OSBPL1A: variants seen among roughly 807,000 people sequenced by gnomAD.
OSBPL1A encodes oxysterol binding protein like 1A, also known as oxysterol-binding protein-related protein 1.
A neutral mutation model predicts 137.1 loss-of-function variants in OSBPL1A; 80 were observed. The ratio of observed to expected loss-of-function variants is 0.58; its 90% CI spans 0.49 to 0.70. The LOEUF (loss-of-function observed/expected upper bound fraction) is 0.70. Ranked by LOEUF, OSBPL1A falls within the 30% of genes least tolerant of loss-of-function variation. OSBPL1A has a pLI of 0.00. For missense variants in OSBPL1A, 970 were observed against 1,129.4 expected (o/e 0.86, Z 2.02); for synonymous variants, 365 against 389.7 (o/e 0.94, Z 0.75).
chr18:24,163,414 G>A, intron 27 of OSBPL1A, 133 bp from the exon 28 acceptor site: 1 of 597,476 alleles, frequency 1.7e-6, no homozygotes, highest in South Asian at 2.2e-5. Context: ...AAGAGATGCT[G>A]AAGTGATGCT....
At chr18:24,255,105 A>G (rs2089231356) in intron 15 of OSBPL1A, among the ~76,000 whole-genome samples, 1 of 152,164 alleles carries the variant, frequency 6.6e-6, no homozygotes, top group Non-Finnish European at 1.5e-5. Context: ...TCTAGAGGAA[A>G]TGGATAAATT....
chr18:24,194,771 T>C (rs1396358909), intron 18 of OSBPL1A, among the ~76,000 whole-genome samples: 1 of 152,202 alleles, frequency 6.6e-6, no homozygotes, highest in African/African-American at 2.4e-5. Context: ...AGTTCTACAC[T>C]GGATGGAATG....
chr18:24,387,387 C>T (rs147881490), intron 1 of OSBPL1A, among the ~76,000 whole-genome samples: 44 of 152,120 alleles, frequency 2.9e-4, no homozygotes, highest in African/African-American at 8.9e-4. Flanking sequence ...AATACTTTCC[C>T]GGTGGCTCTA....
intron 15 of OSBPL1A, among the ~76,000 whole-genome samples, chr18:24,253,121 T>C (rs541877074): frequency 2.5e-4 from 29 of 116,952 alleles, no homozygotes; most frequent in African/African-American, 9.0e-4. Flanking sequence ...TTATCAATAA[T>C]AACATTGAAT....
intron 2 of OSBPL1A, among the ~76,000 whole-genome samples, chr18:24,370,926 C>T (rs1451722912): frequency 6.6e-6 from 1 of 152,172 alleles, no homozygotes; most frequent in Non-Finnish European, 1.5e-5. Context: ...ACCTCAGCCT[C>T]CCAAAGTGGT....
intron 17 of OSBPL1A, among the ~76,000 whole-genome samples, chr18:24,200,349 G>A (rs2087181486): frequency 6.6e-6 from 1 of 152,044 alleles, no homozygotes; most frequent in South Asian, 2.1e-4. Flanking sequence ...GGATCACAAG[G>A]TCTGGAGTTC....
intron 16 of OSBPL1A, among the ~76,000 whole-genome samples, chr18:24,227,001 C>T (rs1599526285): frequency 6.7e-6 from 1 of 149,646 alleles, no homozygotes; most frequent in Admixed American, 6.7e-5. Flanking sequence ...AAGCAATTCT[C>T]CTGCCTCAAC....
rs565924833 is a variant in OSBPL1A at position 24,250,754 on chromosome 18, C to T, written c.1282-11372G>A. ...AAAGGTAAAGGGACTTTGTCTTGCA[C>T]CTTAAGTACCAGCTTGGCCACAGTG... On this transcript the variant is annotated intron_variant, in intron 15 of 27. Transcript: ENST00000319481. Among the ~76,000 whole-genome samples, 20 of 152,282 alleles carry T rather than the reference C, an allele frequency of 1.3e-4. No homozygotes were observed. In the South Asian group the frequency reaches 4.1e-3, roughly 32 times the overall value.
Position 24,239,241 on chromosome 18 carries a change from C to T in OSBPL1A, c.1423G>A (p.Glu475Lys), listed in dbSNP as rs141740509. The T allele has an allele frequency of 9.9e-6, 16 of 1,613,826 alleles. No homozygotes were observed. The Admixed American group carries it at 1.0e-4, about 10-fold the overall frequency. ...SPPASILSEDEFYDALSDSES... is the reference protein window; with the variant it reads ...SPPASILSEDKFYDALSDSES... ...TTACCTGACAGCGCATCATAGAACT[C>T]GTCCTCGCTAAGGATGCTGGCGGGT... Residue 475 changes from glutamate (E) to lysine (K), a missense_variant, in exon 16 of 28, where the codon GAG becomes AAG. Physicochemically the swap from Glu to Lys is moderately conservative, Grantham distance 56 (BLOSUM62 1). Around this residue, in one of 2 missense-constraint regions of OSBPL1A, gnomAD observed 647 missense variants for 672.6 expected, o/e 0.96. Transcript: ENST00000319481.
chr18:24,392,740 G>C (rs71360549), intron 1 of OSBPL1A, among the ~76,000 whole-genome samples: 2 of 152,142 alleles, frequency 1.3e-5, no homozygotes, highest in Non-Finnish European at 2.9e-5. Flanking sequence ...GCCCAGGATG[G>C]AGTGCAGTGG....
intron 4 of OSBPL1A, among the ~76,000 whole-genome samples, chr18:24,346,793 G>C (rs572343404): frequency 6.6e-6 from 1 of 152,268 alleles, no homozygotes; most frequent in African/African-American, 2.4e-5. Flanking sequence ...CCAGGCTGGA[G>C]TGTAGTGGCA....
chr18:24,274,890 C>G (rs1022872212), intron 15 of OSBPL1A, among the ~76,000 whole-genome samples: 1 of 150,692 alleles, frequency 6.6e-6, no homozygotes. Flanking sequence ...GCCTGGGCAA[C>G]AGAGTAAGAC....
intron 15 of OSBPL1A, among the ~76,000 whole-genome samples, chr18:24,265,174 G>C (rs1486742600): frequency 2.0e-5 from 3 of 152,116 alleles, no homozygotes; most frequent in Admixed American, 2.0e-4. Context: ...AATTAAATAA[G>C]TTCTAACACA....
chr18:24,281,771 C>G (rs1256616162), intron 14 of OSBPL1A, among the ~76,000 whole-genome samples: 3 of 152,156 alleles, frequency 2.0e-5, no homozygotes, highest in Admixed American at 6.5e-5. Context: ...AAGAATGGAG[C>G]CTTCTCCTAG....
rs186174598 is a variant in OSBPL1A at position 24,222,182 on chromosome 18, T to C, written c.1601+2860A>G. Among the ~76,000 whole-genome samples the C allele has an allele frequency of 5.4e-4, 82 of 152,310 alleles. 1 individual carries two copies. Among genetic ancestry groups the C allele is most frequent in the Non-Finnish European group, 4.9e-4 (33 of 67,998 alleles). On this transcript the variant is annotated intron_variant, in intron 17 of 27. Transcript: ENST00000319481. ...CTTCTATTTGTGATTTGCTAATGTA[T>C]GTATTGATCATTTTGAATAACTGTT...
intron 23 of OSBPL1A, 131 bp from the exon 24 acceptor site, chr18:24,170,584 A>G (rs1005691416): frequency 2.7e-5 from 25 of 926,528 alleles, no homozygotes; most frequent in Non-Finnish European, 4.0e-5. Context: ...TTCCAAGAGC[A>G]GATGAGATCA....
chr18:24,165,907 G>T (rs2086135073), intron 26 of OSBPL1A, among the ~76,000 whole-genome samples: 1 of 152,128 alleles, frequency 6.6e-6, no homozygotes, highest in Admixed American at 6.6e-5. Flanking sequence ...GACCAACCTG[G>T]CCAACAGGGT....
intron 15 of OSBPL1A, among the ~76,000 whole-genome samples, chr18:24,263,852 GT>G (rs1455431270): frequency 1.3e-5 from 2 of 152,060 alleles, no homozygotes; most frequent in Non-Finnish European, 2.9e-5. Context: ...GGCCAGGCTG[GT>G]CTCGAACTCC....
intron 5 of OSBPL1A, among the ~76,000 whole-genome samples, chr18:24,335,399 C>A (rs1188470986): frequency 6.6e-6 from 1 of 152,136 alleles, no homozygotes; most frequent in Non-Finnish European, 1.5e-5. Context: ...GGGATTTGAA[C>A]TCAAGCAGGC....
Sources: gnomAD v4.1 joint callset for allele counts (sites outside exome capture counted in the v4.1 genomes callset) on GRCh38, gnomAD v4.1.1 for gene constraint, gnomAD v4.1.1 regional missense constraint, MANE v1.5 for transcripts, NCBI Gene and HGNC (gene_info 2026-07-23, HGNC 2026-07-21) for gene names.